Variants in OR51B5 observed in about 807,000 individuals in gnomAD.
The protein encoded by OR51B5 is olfactory receptor family 51 subfamily B member 5, also known as olfactory receptor 51B5.
For missense variants in OR51B5, 456 were observed against 374.6 expected, an observed-to-expected ratio of 1.22 and a Z score of -1.79; for synonymous variants, 186 against 144.8, an observed-to-expected ratio of 1.28 and a Z score of -2.04.
At chr11:5,450,347 C>A (rs796399843) in intron 1 of OR51B5, among the ~76,000 whole-genome samples, 13 of 152,224 alleles carry the variant, frequency 8.5e-5, no homozygotes, top group African/African-American at 2.6e-4. Flanking sequence ...CAAGATTGCA[C>A]CACTGCACTC....
chr11:5,370,239 GTTGAAGGT>G (rs1334382175), intron 1 of OR51B5, among the ~76,000 whole-genome samples: 2 of 152,146 alleles, frequency 1.3e-5, no homozygotes, highest in Admixed American at 1.3e-4. Flanking sequence ...AAATCCTAAA[GTTGAAGGT>G]TTGAATGTTT....
At chr11:5,454,076 C>T in intron 1 of OR51B5, 25 of 1,614,116 alleles carry the variant, frequency 1.5e-5, no homozygotes, top group Non-Finnish European at 2.1e-5. Flanking sequence ...GTATCAACAG[C>T]ATCTATGGAC....
chr11:5,402,981 C>T (rs1431681219), intron 1 of OR51B5: 3 of 471,288 alleles, frequency 6.4e-6, no homozygotes, highest in African/African-American at 6.0e-5. Flanking sequence ...GCTTTATAGC[C>T]ATCTACAGCC....
chr11:5,370,425 T>C (rs1040461949), intron 1 of OR51B5, among the ~76,000 whole-genome samples: 1 of 152,192 alleles, frequency 6.6e-6, no homozygotes, highest in African/African-American at 2.4e-5. Flanking sequence ...AAAATTAAAT[T>C]CAAATCTTCA....
chr11:5,457,686 A>G (rs1850980265), intron 1 of OR51B5, among the ~76,000 whole-genome samples: 1 of 152,152 alleles, frequency 6.6e-6, no homozygotes, highest in Admixed American at 6.5e-5. Flanking sequence ...ATGATATCTC[A>G]TTGAGGTTTT....
At chr11:5,441,326 G>A in intron 1 of OR51B5, 1 of 1,613,900 alleles carries the variant, frequency 6.2e-7, no homozygotes, top group Non-Finnish European at 8.5e-7. Flanking sequence ...TAGAGAGGAA[G>A]TAGTACATGG....
intron 1 of OR51B5, among the ~76,000 whole-genome samples, chr11:5,363,237 TCACACACACACACACACACACACACACA>T (rs3219794): frequency 0.11 from 15,415 of 143,080 alleles, 1,060 homozygotes; most frequent in South Asian, 0.15. Context: ...ACCCAACCCC[TCACACACACACACACACACACACACACA>T]CACACACACA....
chr11:5,385,798 A>G (rs930100636), intron 1 of OR51B5, among the ~76,000 whole-genome samples: 18 of 142,362 alleles, frequency 1.3e-4, no homozygotes, highest in African/African-American at 4.5e-4. Flanking sequence ...CTATACTTAT[A>G]TATAAAAAAT....
chr11:5,378,333 C>G lies in OR51B5; in HGVS notation n.85-31423G>C, dbSNP rs564779373. ...ATTCAAGATGGATTAAAGACTTAAACATTAGACCTAAAACCATAAAAACCC... is the reference window on the plus strand; with the variant it reads ...ATTCAAGATGGATTAAAGACTTAAAGATTAGACCTAAAACCATAAAAACCC... On this transcript the variant is annotated intron_variant and non_coding_transcript_variant, in intron 1 of 4. Transcript: ENST00000415970. 4.0e-3 allele frequency among the ~76,000 whole-genome samples: 613 copies of G among 151,952 alleles called. 4 individuals carry two copies. The highest frequency in any genetic ancestry group is 0.014 in the African/African-American group (590 of 41,422).
chr11:5,385,907 A>G (rs1849686705), intron 1 of OR51B5, among the ~76,000 whole-genome samples: 1 of 149,124 alleles, frequency 6.7e-6, no homozygotes, highest in South Asian at 2.1e-4. Context: ...ATTTAAACTT[A>G]TACATATGTG....
Position 5,414,890 on chromosome 11 carries a change from C to T in OR51B5, n.85-67980G>A, listed in dbSNP as rs186071835. On this transcript the variant is annotated intron_variant and non_coding_transcript_variant, in intron 1 of 4. Transcript: ENST00000415970. ...ACGAGACAGAAAGTCAACAAGGATA[C>T]ACAGGAACTGAACTCAGCTCTGCAC... Among the ~76,000 whole-genome samples the T allele has an allele frequency of 3.5e-3, 540 of 152,262 alleles. 3 individuals carry two copies. Among genetic ancestry groups the T allele is most frequent in the African/African-American group, 0.012 (502 of 41,554 alleles).
At chr11:5,422,418 T>C (rs770538178) in intron 1 of OR51B5, 1 of 1,614,150 alleles carries the variant, frequency 6.2e-7, no homozygotes, top group Non-Finnish European at 8.5e-7. Context: ...CTGACGGACC[T>C]GGGTCTCACC....
chr11:5,430,659 C>A (rs1044999380), intron 1 of OR51B5: 8 of 453,586 alleles, frequency 1.8e-5, no homozygotes, highest in African/African-American at 1.4e-4. Context: ...TGATTCAGAG[C>A]AATTCCCTCT....
intron 1 of OR51B5, among the ~76,000 whole-genome samples, chr11:5,427,728 G>A (rs898288771): frequency 6.6e-6 from 1 of 152,034 alleles, no homozygotes; most frequent in South Asian, 2.1e-4. Context: ...GATTTTTGAT[G>A]AGAAAAATAA....
In OR51B5 at chr11:5,464,348, T is replaced by C. The variant is rs1211979519; in HGVS notation, n.84+41221A>G. Reference sequence around the variant, plus strand: ...ACATGTGCACGTTGTGCAGGTTAGTTACATATGTATACATGTGCCATGCTG... The same window carrying C: ...ACATGTGCACGTTGTGCAGGTTAGTCACATATGTATACATGTGCCATGCTG... On this transcript the variant is annotated intron_variant and non_coding_transcript_variant, in intron 1 of 4. Transcript: ENST00000415970. Among the ~76,000 whole-genome samples, 3 of 152,174 alleles carry C rather than the reference T, an allele frequency of 2.0e-5. No individual in the cohort carries two copies. The East Asian group carries it at 5.8e-4, about 29-fold the overall frequency.
chr11:5,467,107 G>C (rs1851148940), intron 1 of OR51B5, among the ~76,000 whole-genome samples: 1 of 152,108 alleles, frequency 6.6e-6, no homozygotes. Context: ...ATCCTCTTAT[G>C]TTTATGAGCA....
In OR51B5 at chr11:5,370,731, G is replaced by A. The variant is rs536284926; in HGVS notation, n.85-23821C>T. ...GTTCCTATGAAGCTTGTATTTTAAC[G>A]GAAAGGAAATAATAAAAAAGTGACA... On this transcript the variant is annotated intron_variant and non_coding_transcript_variant, in intron 1 of 4. Transcript: ENST00000415970. Among the ~76,000 whole-genome samples the A allele has an allele frequency of 5.1e-4, 77 of 152,128 alleles. No homozygotes were observed. In the South Asian group the frequency reaches 5.8e-3, roughly 11 times the overall value.
chr11:5,376,566 C>G (rs1849531976), intron 1 of OR51B5, among the ~76,000 whole-genome samples: 1 of 151,802 alleles, frequency 6.6e-6, no homozygotes, highest in Non-Finnish European at 1.5e-5. Flanking sequence ...AGACCGCTAG[C>G]AAGACTAATA....
chr11:5,481,526 A>G (rs1360127916), intron 1 of OR51B5, among the ~76,000 whole-genome samples: 1 of 148,470 alleles, frequency 6.7e-6, no homozygotes, highest in Non-Finnish European at 1.5e-5. Context: ...AGGCAGGAGA[A>G]GGAAATAAAG....
Sources: allele counts gnomAD v4.1 joint callset (sites outside exome capture counted in the v4.1 genomes callset), GRCh38; gene constraint gnomAD v4.1.1; transcripts MANE v1.5; gene names NCBI Gene and HGNC (gene_info 2026-07-23, HGNC 2026-07-21).